MYO15B: variants seen among roughly 807,000 people sequenced by gnomAD.
The protein encoded by MYO15B is myosin XVB pseudogene.
Under a neutral mutation model 119.3 loss-of-function variants are expected in MYO15B, and 207 were observed. That is an observed-to-expected ratio of 1.73 (90% CI 1.55 to 1.95). MYO15B has a LOEUF of 1.95. Among genes scored for constraint, MYO15B ranks in the 30% most tolerant of loss-of-function variants. The pLI, the probability that MYO15B is intolerant of heterozygous loss-of-function variation, is 0.00. For synonymous variants in MYO15B, 966 were observed against 498.9 expected (o/e 1.94, Z -12.48); for missense variants, 2,264 against 1,203.1 (o/e 1.88, Z -13.04).
chr17:75,619,593 GC>G, intron 45 of MYO15B, 87 bp from the exon 46 acceptor site: 1 of 688,546 alleles, frequency 1.5e-6, no homozygotes, highest in South Asian at 1.5e-5. Context: ...GAAGGACAAA[GC>G]CCAGCCACTG....
rs150990251 is a variant in MYO15B, at chr17:75,590,977, A to G, written c.2321A>G (p.Gln774Arg). The G allele has an allele frequency of 3.7e-3, 2,099 of 562,988 alleles. 25 individuals carry two copies. The highest frequency in any genetic ancestry group is 0.036 in the African/African-American group (1,913 of 52,818). 34.9% of individuals were successfully genotyped at this position (562,988 alleles called of 1,614,324 possible). A position where few individuals can be genotyped will look rare whatever the true frequency, so the allele number is the denominator to read the frequency against. The change falls in exon 3 of 64, where the codon CAG becomes CGG. Residue 774 changes from glutamine to arginine, a missense_variant. Gln to Arg is a conservative substitution (Grantham distance 43, BLOSUM62 1). Coordinates refer to ENST00000645453, the Ensembl canonical transcript of MYO15B. ...TTGCCTCTTTTTTCACCTGAGGTCCAGGCAAGCTACCACCCCAGGAAGGCC... is the reference window on the plus strand; with the variant it reads ...TTGCCTCTTTTTTCACCTGAGGTCCGGGCAAGCTACCACCCCAGGAAGGCC...
chr17:75,623,432 T>C (rs1219195773), intron 53 of MYO15B, among the ~76,000 whole-genome samples: 6 of 151,946 alleles, frequency 3.9e-5, no homozygotes, highest in Non-Finnish European at 5.9e-5. Context: ...AGTTCGAGAT[T>C]AAACCTGGCC....
chr17:75,614,893 G>A (rs1436750598), intron 32 of MYO15B, 44 bp downstream of exon 32: 7 of 702,698 alleles, frequency 1.0e-5, no homozygotes, highest in Admixed American at 2.0e-5. Flanking sequence ...CCAACCCCCC[G>A]GGGCCTCTGC....
At chr17:75,609,485 A>ATTTTTTT (rs749247022) in intron 21 of MYO15B, among the ~76,000 whole-genome samples, 9 of 77,996 alleles carry the variant, frequency 1.2e-4, no homozygotes, top group Non-Finnish European at 1.6e-4. Flanking sequence ...AAGGGAAATG[A>ATTTTTTT]TTTTTTTTTT....
chr17:75,591,343 C>T, intron 4 of MYO15B, 97 bp downstream of exon 4: 1 of 662,718 alleles, frequency 1.5e-6, no homozygotes, highest in South Asian at 1.6e-5. Context: ...CTGGTATGCT[C>T]CACTGCTGGG....
chr17:75,596,562 G>T lies in MYO15B; in HGVS notation c.3393+7G>T. 1.4e-6 allele frequency: 1 copy of T among 703,042 alleles called. No individual in the cohort carries two copies. Among genetic ancestry groups the T allele is most frequent in the East Asian group, 2.7e-5 (1 of 37,294 alleles). 43.6% of individuals were successfully genotyped at this position (703,042 alleles called of 1,614,324 possible). ...GCTGCTGGCCCAGGAGGAGGTAAGAGGATTGGGCGTGGACGTGGCAGGGGC... is the reference window on the plus strand; with the variant it reads ...GCTGCTGGCCCAGGAGGAGGTAAGATGATTGGGCGTGGACGTGGCAGGGGC... On this transcript the variant is annotated splice_region_variant and intron_variant, in intron 13 of 63. Coordinates refer to ENST00000645453, the Ensembl canonical transcript of MYO15B.
intron 16 of MYO15B, 52 bp from the exon 17 acceptor site, chr17:75,602,778 G>C: frequency 1.6e-6 from 1 of 606,414 alleles, no homozygotes; most frequent in Non-Finnish European, 2.9e-6. Flanking sequence ...CGGGCTGCAG[G>C]GTGGATGGGC....
At chr17:75,594,296 G>A (rs2147751680) in intron 9 of MYO15B, among the ~76,000 whole-genome samples, 179 bp from the exon 10 acceptor site, 1 of 152,310 alleles carries the variant, frequency 6.6e-6, no homozygotes, top group East Asian at 1.9e-4. Context: ...AGGGAAAGTA[G>A]GACTCGAACT....
chr17:75,619,896 G>C, exon 47 of MYO15B: 1 of 702,508 alleles, frequency 1.4e-6, no homozygotes, highest in South Asian at 1.5e-5. Flanking sequence ...GAGGTGCTGG[G>C]TGTGGAGTGC....
At chr17:75,602,332 A>C (rs1265809510) in intron 15 of MYO15B, 185 bp from the exon 16 acceptor site, 2 of 696,472 alleles carry the variant, frequency 2.9e-6, no homozygotes, top group African/African-American at 3.6e-5. Flanking sequence ...GGACCTGTCC[A>C]TGGGGTGGAA....
chr17:75,601,055 C>T (rs989364318), intron 14 of MYO15B, among the ~76,000 whole-genome samples: 8 of 151,476 alleles, frequency 5.3e-5, no homozygotes, highest in African/African-American at 1.7e-4. Context: ...AGGCACCTGC[C>T]ACCACGCCCA....
At position 75,613,052 on chromosome 17, in the gene MYO15B, C is replaced by T. The variant is rs868465180; in HGVS notation, c.4810C>T (p.Gln1604Ter). Residue 1604 changes from glutamine to a stop codon, truncating the protein, a stop_gained, in exon 27 of 64, where the codon CAG (glutamine) becomes TAG (stop). Coordinates refer to ENST00000645453, the Ensembl canonical transcript of MYO15B. LOFTEE classifies it high-confidence loss of function. The stretch of plus-strand genomic sequence containing the variant: ...GGGCGCATACCTGGTGCGGCAGGGG[C>T]AGTGCCGGCCAGGGCTGCGGAATGA... 1.4e-5 allele frequency: 10 copies of T among 701,110 alleles called. No homozygotes were observed. The African/African-American group carries it at 1.7e-4, about 12-fold the overall frequency. The allele number at this position is 701,110 out of a possible 1,614,324, so 43.4% of individuals were successfully genotyped here.
Position 75,609,209 on chromosome 17 carries a change from C to CT in MYO15B, c.4293-943dup, listed in dbSNP as rs756034754. ...TTACTTTTTAATAAGTTCTGCTGCT[C>CT]TTTTTTTTTTTTTTGCAAGATAGGG... On this transcript the variant is annotated intron_variant, in intron 21 of 63. Coordinates refer to ENST00000645453, the Ensembl canonical transcript of MYO15B. Among the ~76,000 whole-genome samples the CT allele has an allele frequency of 7.2e-3, 1,021 of 141,556 alleles. 9 individuals carry two copies. The highest frequency in any genetic ancestry group is 0.02 in the African/African-American group (792 of 38,706). 92.9% of individuals were successfully genotyped at this position (141,556 alleles called of 152,430 possible). A position where few individuals can be genotyped will look rare whatever the true frequency, so the allele number is the denominator to read the frequency against.
chr17:75,594,519 C>G (rs1234546759), exon 10 of MYO15B: 1 of 623,108 alleles, frequency 1.6e-6, no homozygotes, highest in Admixed American at 2.7e-5. Context: ...GGGCTGAGAT[C>G]CACACAGCAG....
At chr17:75,605,111 T>G (rs2057541605) in intron 19 of MYO15B, among the ~76,000 whole-genome samples, 1 of 146,060 alleles carries the variant, frequency 6.8e-6, no homozygotes. Context: ...CACTCCAGCC[T>G]GGACAATGAG....
intron 21 of MYO15B, among the ~76,000 whole-genome samples, chr17:75,609,031 C>T (rs2057834084): frequency 6.6e-6 from 1 of 151,816 alleles, no homozygotes; most frequent in African/African-American, 2.4e-5. Context: ...CACGCCTGGC[C>T]TTTTTTGTAT....
chr17:75,600,996 T>C lies in MYO15B; in HGVS notation c.3526-442T>C, dbSNP rs2057246907. 1.3e-5 allele frequency among the ~76,000 whole-genome samples: 2 copies of C among 150,578 alleles called. 1 individual carries two copies. The highest frequency in any genetic ancestry group is 3.0e-5 in the Non-Finnish European group (2 of 67,716). ...GTGGCTCACTGCAACCTCCGCCTCC[T>C]GGGTTCAAGTGATTCTCCTGCCTCA... On this transcript the variant is annotated intron_variant, in intron 14 of 63. Coordinates refer to ENST00000645453, the Ensembl canonical transcript of MYO15B.
At chr17:75,595,171 G>A in intron 12 of MYO15B, 199 bp downstream of exon 12, 1 of 599,650 alleles carries the variant, frequency 1.7e-6, no homozygotes, top group Admixed American at 3.0e-5. Context: ...GTAAAGGAGT[G>A]GGGCTGCCTC....
At chr17:75,600,717 C>T (rs1027755592) in intron 14 of MYO15B, 2 of 150,076 alleles carry the variant, frequency 1.3e-5, no homozygotes, top group Non-Finnish European at 2.9e-5. Context: ...TCCTGAGTAG[C>T]TGGGATTACA....
Sources: gnomAD v4.1 joint callset for allele counts (sites outside exome capture counted in the v4.1 genomes callset) on GRCh38, gnomAD v4.1.1 for gene constraint, MANE v1.5 for transcripts, NCBI Gene and HGNC (gene_info 2026-07-23, HGNC 2026-07-21) for gene names.